C12orf56: variants seen among roughly 807,000 people sequenced by gnomAD.
C12orf56 encodes the protein chromosome 12 open reading frame 56, also known as uncharacterized protein C12orf56.
C12orf56 carries 71 observed loss-of-function variants against 69.9 expected under a neutral mutation model. The observed-to-expected ratio is 1.02, with a 90% confidence interval of 0.84 to 1.24. The LOEUF (loss-of-function observed/expected upper bound fraction) is 1.24, where lower values mean the gene tolerates loss of function less well. Among genes scored for constraint, C12orf56 ranks in the 50% most tolerant of loss-of-function variants. The pLI is 0.00. For synonymous variants in C12orf56, 276 were observed against 274.1 expected, an observed-to-expected ratio of 1.01 and a Z score of -0.07; for missense variants, 732 against 738.5, an observed-to-expected ratio of 0.99 and a Z score of 0.10.
intron 5 of C12orf56, 85 bp downstream of exon 5, chr12:64,312,594 G>A (rs2038634239): frequency 2.0e-6 from 2 of 1,013,242 alleles, no homozygotes; most frequent in South Asian, 1.4e-5. Flanking sequence ...GGGAAACAGA[G>A]TGAGACTCAG....
chr12:64,354,885 C>T (rs1339365239), intron 1 of C12orf56, among the ~76,000 whole-genome samples: 1 of 150,782 alleles, frequency 6.6e-6, no homozygotes, highest in East Asian at 2.0e-4. Flanking sequence ...TCGAGACCAG[C>T]CTGACCAACA....
chr12:64,274,878 C>A (rs193253449), intron 11 of C12orf56, 23 bp downstream of exon 11: 1 of 1,558,744 alleles, frequency 6.4e-7, no homozygotes. Context: ...GGGGTGATTT[C>A]GTTTTGACTT....
In C12orf56 at chr12:64,266,199, T is replaced by C. The variant is rs2037918510; in HGVS notation, c.*984A>G. 1 of 152,268 alleles carries C rather than the reference T, an allele frequency of 6.6e-6. No individual in the cohort carries two copies. The highest frequency in any genetic ancestry group is 1.5e-5 in the Non-Finnish European group (1 of 68,074). 9.4% of individuals were successfully genotyped at this position (152,268 alleles called of 1,614,324 possible). ...CTTATACTCCCCACAACAGTTTATC[T>C]CAGGATGTTTCGTGGCTTCACACCA... On this transcript the variant is annotated 3_prime_UTR_variant, in exon 13 of 13. Coordinates refer to ENST00000543942, the MANE Select transcript of C12orf56 (RefSeq NM_001170633.2).
chr12:64,327,181 A>C (rs1425542980), intron 3 of C12orf56, among the ~76,000 whole-genome samples: 2 of 130,076 alleles, frequency 1.5e-5, no homozygotes, highest in East Asian at 4.2e-4. Context: ...CCATAACTAT[A>C]AGAAATACAT....
At position 64,284,698 on chromosome 12, in the gene C12orf56, C is replaced by T. The variant is rs762041250; in HGVS notation, c.1276G>A (p.Glu426Lys). ...GCCAATGTGTTCAGGCGTGATGACT[C>T]GGTTTCTGTTTCTCTGAACATCAAT... ...LVLMFRETETESSRLNTLAAK... is the reference protein window; with the variant it reads ...LVLMFRETETKSSRLNTLAAK... The change falls in exon 8 of 13, where the codon GAG (glutamate) becomes AAG (lysine). Residue 426 changes from glutamate to lysine, a missense_variant. Glu to Lys is a moderately conservative substitution (Grantham distance 56). Transcript: ENST00000543942. 1.7e-5 allele frequency: 28 copies of T among 1,612,278 alleles called. No individual in the cohort carries two copies. Among genetic ancestry groups the T allele is most frequent in the East Asian group, 6.7e-5 (3 of 44,864 alleles).
rs190350068 is a variant in C12orf56 at position 64,303,847 on chromosome 12, G to A, written c.969-68C>T. On this transcript the variant is annotated intron_variant, in intron 5 of 12. Coordinates refer to ENST00000543942, the MANE Select transcript of C12orf56 (RefSeq NM_001170633.2). ...GACATAGCAGTTTAGGAATATCAAT[G>A]ATTACTGTCAGGTTTGTTAAACTTT... 108 of 1,473,828 alleles carry A rather than the reference G, an allele frequency of 7.3e-5. 1 individual carries two copies. In the African/African-American group the frequency reaches 1.4e-3, roughly 19 times the overall value. The allele number at this position is 1,473,828 out of a possible 1,614,324, so 91.3% of individuals were successfully genotyped here. A position where few individuals can be genotyped will look rare whatever the true frequency, so the allele number is the denominator to read the frequency against.
intron 6 of C12orf56, among the ~76,000 whole-genome samples, chr12:64,300,059 A>C (rs1055513101): frequency 1.8e-4 from 27 of 152,188 alleles, no homozygotes; most frequent in African/African-American, 5.8e-4. Flanking sequence ...GAGAAGATCA[A>C]AAGGAGGAAG....
At chr12:64,313,389 T>G (rs1224861168) in intron 4 of C12orf56, among the ~76,000 whole-genome samples, 1 of 151,756 alleles carries the variant, frequency 6.6e-6, no homozygotes, top group African/African-American at 2.4e-5. Flanking sequence ...ATGCAAAGTG[T>G]CTGATCATGA....
Position 64,390,622 on chromosome 12 carries a change from T to C in C12orf56, c.-57A>G. 9.3e-6 allele frequency: 13 copies of C among 1,392,012 alleles called. No individual in the cohort carries two copies. The highest frequency in any genetic ancestry group is 1.2e-5 in the Non-Finnish European group (13 of 1,081,680). The allele number at this position is 1,392,012 out of a possible 1,614,324, so 86.2% of individuals were successfully genotyped here. A position where few individuals can be genotyped will look rare whatever the true frequency, so the allele number is the denominator to read the frequency against. On this transcript the variant is annotated 5_prime_UTR_variant, in exon 1 of 13. Transcript: ENST00000543942. ...GACTCGAGGCCCTCAGCTCGCCCTCTCCCCGCCCCCGCGCTGGAACCCGCG... is the reference window on the plus strand; with the variant it reads ...GACTCGAGGCCCTCAGCTCGCCCTCCCCCCGCCCCCGCGCTGGAACCCGCG...
intron 1 of C12orf56, among the ~76,000 whole-genome samples, chr12:64,361,236 A>T (rs1565774729): frequency 6.6e-6 from 1 of 152,088 alleles, no homozygotes; most frequent in Non-Finnish European, 1.5e-5. Context: ...AAAATAAAAA[A>T]ACAATTATTA....
intron 5 of C12orf56, among the ~76,000 whole-genome samples, chr12:64,308,940 G>GAAAGAAAAAAGAAAGAAAGAAAGGAAAGA (rs35488127): frequency 1.2e-5 from 1 of 80,828 alleles, no homozygotes; most frequent in African/African-American, 4.6e-5. Flanking sequence ...AAGAAAGAAA[G>GAAAGAAAAAAGAAAGAAAGAAAGGAAAGA]AAGAAAGAAA....
chr12:64,358,499 TCATC>T (rs2039354437), intron 1 of C12orf56, among the ~76,000 whole-genome samples: 1 of 107,114 alleles, frequency 9.3e-6, no homozygotes, highest in Admixed American at 9.6e-5. Context: ...ATCATCATCA[TCATC>T]ATCATCTTGG....
In C12orf56 at chr12:64,266,511, G is replaced by T; in HGVS notation, c.*672C>A. On this transcript the variant is annotated 3_prime_UTR_variant, in exon 13 of 13. Transcript: ENST00000543942. ...ATGAGATCTTGAGTGAGTGACCTTA[G>T]GCCCAGACCAAGCTGTAATTCCAGA... 3.7e-6 allele frequency: 1 copy of T among 269,100 alleles called. No homozygotes were observed. 16.7% of individuals were successfully genotyped at this position (269,100 alleles called of 1,614,324 possible).
chr12:64,389,572 C>T (rs915328208), intron 1 of C12orf56, among the ~76,000 whole-genome samples: 14 of 152,200 alleles, frequency 9.2e-5, no homozygotes, highest in Admixed American at 5.2e-4. Context: ...TCTCGGCTCA[C>T]GGCAACCTCC....
At chr12:64,270,277 T>C (rs1216166847) in intron 12 of C12orf56, among the ~76,000 whole-genome samples, 1 of 151,730 alleles carries the variant, frequency 6.6e-6, no homozygotes, top group Non-Finnish European at 1.5e-5. Flanking sequence ...GGCGGGCGCC[T>C]GTAATCCCAA....
intron 4 of C12orf56, among the ~76,000 whole-genome samples, chr12:64,316,490 T>C (rs960123944): frequency 2.0e-5 from 3 of 152,136 alleles, no homozygotes; most frequent in Non-Finnish European, 2.9e-5. Context: ...GCTCAAACGA[T>C]CCTGCTGTCT....
At chr12:64,332,747 G>T (rs2038948238) in intron 2 of C12orf56, among the ~76,000 whole-genome samples, 1 of 152,172 alleles carries the variant, frequency 6.6e-6, no homozygotes, top group South Asian at 2.1e-4. Flanking sequence ...TCTTGCCCTG[G>T]ATTTGTGACA....
chr12:64,281,597 C>T (rs2038129384), intron 8 of C12orf56, among the ~76,000 whole-genome samples: 1 of 151,750 alleles, frequency 6.6e-6, no homozygotes, highest in African/African-American at 2.4e-5. Context: ...AAAAAGAAAA[C>T]GAATACAGTT....
At chr12:64,319,536 CA>C (rs1211658874) in intron 3 of C12orf56, among the ~76,000 whole-genome samples, 2 of 152,158 alleles carry the variant, frequency 1.3e-5, no homozygotes, top group Admixed American at 6.5e-5. Flanking sequence ...GCTGGGACTA[CA>C]GGCATGTGCC....
Sources: gnomAD v4.1 joint callset for allele counts (sites outside exome capture counted in the v4.1 genomes callset) on GRCh38, gnomAD v4.1.1 for gene constraint, MANE v1.5 for transcripts, NCBI Gene and HGNC (gene_info 2026-07-23, HGNC 2026-07-21) for gene names.